DENND2B: variants seen among roughly 807,000 people sequenced by gnomAD.
The protein encoded by DENND2B is DENN domain containing 2B, also known as DENN domain-containing protein 2B.
A neutral mutation model predicts 116.0 loss-of-function variants in DENND2B; 32 were observed. The ratio of observed to expected loss-of-function variants is 0.28; its 90% CI spans 0.21 to 0.37. The LOEUF (loss-of-function observed/expected upper bound fraction) is 0.37. Among genes scored for constraint, DENND2B ranks in the 10% least tolerant of loss-of-function variants. The pLI, the probability that DENND2B is intolerant of heterozygous loss-of-function variation, is 1.00. For missense variants in DENND2B, 1,276 were observed against 1,477.7 expected, an observed-to-expected ratio of 0.86 and a Z score of 2.24; for synonymous variants, 588 against 583.9, an observed-to-expected ratio of 1.01 and a Z score of -0.10.
intron 1 of DENND2B, among the ~76,000 whole-genome samples, chr11:8,764,522 T>C (rs2055270413): frequency 6.6e-6 from 1 of 152,206 alleles, no homozygotes; most frequent in Admixed American, 6.5e-5. Flanking sequence ...TAGCGTTTCA[T>C]AAGCAGCAGA....
chr11:8,731,380 T>A (rs1001631588), intron 2 of DENND2B, among the ~76,000 whole-genome samples, 171 bp from the exon 3 acceptor site: 1 of 152,268 alleles, frequency 6.6e-6, no homozygotes, highest in Admixed American at 6.5e-5. Context: ...AGGAGAGCAA[T>A]AGCTCCTTAA....
chr11:8,859,680 T>A (rs2063329623), intron 2 of DENND2B, among the ~76,000 whole-genome samples: 1 of 152,218 alleles, frequency 6.6e-6, no homozygotes, highest in African/African-American at 2.4e-5. Flanking sequence ...GGCACTATAC[T>A]TCCTTTTAAA....
chr11:8,725,850 A>T (rs566995302), intron 4 of DENND2B, among the ~76,000 whole-genome samples: 1 of 152,332 alleles, frequency 6.6e-6, no homozygotes, highest in East Asian at 1.9e-4. Context: ...TCGTGTCCCC[A>T]AAGGTCCTTT....
intron 4 of DENND2B, among the ~76,000 whole-genome samples, chr11:8,816,967 T>C (rs542540784): frequency 3.9e-4 from 59 of 152,286 alleles, no homozygotes; most frequent in Admixed American, 1.0e-3. Context: ...GCTTGGGGCT[T>C]TGGGATCAGA....
At chr11:8,860,347 C>T (rs943773077) in intron 2 of DENND2B, among the ~76,000 whole-genome samples, 10 of 151,890 alleles carry the variant, frequency 6.6e-5, no homozygotes, top group Non-Finnish European at 1.3e-4. Flanking sequence ...TCAGTAAAGT[C>T]TCAGGTTACA....
chr11:8,762,802 G>A (rs1290231776), intron 1 of DENND2B, among the ~76,000 whole-genome samples: 1 of 152,208 alleles, frequency 6.6e-6, no homozygotes, highest in Non-Finnish European at 1.5e-5. Context: ...AGAGGTTGCG[G>A]TGAGCCAAGA....
At chr11:8,866,321 T>C (rs1403178319) in intron 2 of DENND2B, among the ~76,000 whole-genome samples, 2 of 152,218 alleles carry the variant, frequency 1.3e-5, no homozygotes, top group Non-Finnish European at 2.9e-5. Flanking sequence ...GTTTAATAAA[T>C]TATTAAAATG....
intron 11 of DENND2B, among the ~76,000 whole-genome samples, chr11:8,709,789 T>A (rs2043273307): frequency 6.6e-6 from 1 of 152,202 alleles, no homozygotes; most frequent in Non-Finnish European, 1.5e-5. Flanking sequence ...TCATTTTCTT[T>A]TAAAAGACAT....
At chr11:8,801,689 A>AAAAAAGAAAGAAAG (rs56084309) in intron 1 of DENND2B, among the ~76,000 whole-genome samples, 2,654 of 117,572 alleles carry the variant, frequency 0.023, 59 homozygotes, top group African/African-American at 0.051. Flanking sequence ...AAAAAAAAAA[A>AAAAAAGAAAGAAAG]AAAGAAAGAA....
intron 2 of DENND2B, among the ~76,000 whole-genome samples, chr11:8,736,160 C>T (rs542556804): frequency 6.6e-6 from 1 of 152,170 alleles, no homozygotes; most frequent in Non-Finnish European, 1.5e-5. Flanking sequence ...CCACAGTGTG[C>T]AACCCCACCA....
intron 3 of DENND2B, among the ~76,000 whole-genome samples, chr11:8,849,266 G>C (rs1443949521): frequency 6.6e-6 from 1 of 152,020 alleles, no homozygotes; most frequent in Non-Finnish European, 1.5e-5. Context: ...GCCAAGGTGG[G>C]TGGATAGCCT....
chr11:8,788,977 CCTTT>C (rs1210211680), intron 1 of DENND2B, among the ~76,000 whole-genome samples: 1 of 152,218 alleles, frequency 6.6e-6, no homozygotes, highest in Non-Finnish European at 1.5e-5. Flanking sequence ...ATCCACAGCT[CCTTT>C]CTCTTTCCAC....
chr11:8,895,260 G>A (rs986136278), intron 1 of DENND2B, among the ~76,000 whole-genome samples: 1 of 152,060 alleles, frequency 6.6e-6, no homozygotes. Flanking sequence ...GGGGTAGGGG[G>A]GTGGGAGGGA....
At chr11:8,888,563 A>T (rs1269478264) in intron 1 of DENND2B, among the ~76,000 whole-genome samples, 1 of 152,206 alleles carries the variant, frequency 6.6e-6, no homozygotes, top group African/African-American at 2.4e-5. Flanking sequence ...CAAAAGAAAA[A>T]ATTGATATAT....
At chr11:8,791,418 A>C (rs931879283) in intron 1 of DENND2B, among the ~76,000 whole-genome samples, 3 of 152,200 alleles carry the variant, frequency 2.0e-5, no homozygotes, top group African/African-American at 7.2e-5. Context: ...ACTTGGGTGA[A>C]ATTTTTAATC....
intron 2 of DENND2B, among the ~76,000 whole-genome samples, chr11:8,737,440 C>T (rs2049258698): frequency 6.6e-6 from 1 of 152,058 alleles, no homozygotes; most frequent in Admixed American, 6.6e-5. Flanking sequence ...AAGAGAAGGA[C>T]TGAGAAATGA....
intron 2 of DENND2B, among the ~76,000 whole-genome samples, chr11:8,867,601 CAG>C (rs1343221463): frequency 2.5e-5 from 2 of 80,828 alleles, no homozygotes; most frequent in Admixed American, 4.2e-4. Context: ...TTTTTTGAGA[CAG>C]GGTCTCACTC....
chr11:8,701,344 CGGGGGG>C (rs1208792727), intron 14 of DENND2B, among the ~76,000 whole-genome samples: 3 of 11,238 alleles, frequency 2.7e-4, no homozygotes, highest in East Asian at 3.5e-3. Context: ...GGCCAGCTTC[CGGGGGG>C]GGGGGGGGGA....
chr11:8,749,306 C>A (rs1443159041), intron 2 of DENND2B, among the ~76,000 whole-genome samples: 2 of 152,224 alleles, frequency 1.3e-5, no homozygotes, highest in Admixed American at 6.5e-5. Context: ...CACTCCCAGC[C>A]TCACTCAGTA....
Sources: allele counts gnomAD v4.1 joint callset (sites outside exome capture counted in the v4.1 genomes callset), GRCh38; gene constraint gnomAD v4.1.1; transcripts MANE v1.5; gene names NCBI Gene and HGNC (gene_info 2026-07-23, HGNC 2026-07-21).